Variants in COMMD8 observed in about 807,000 individuals in gnomAD.
The protein encoded by COMMD8 is COMM domain-containing protein 8.
Under a neutral mutation model 27.2 loss-of-function variants are expected in COMMD8, and 28 were observed. The observed-to-expected ratio is 1.03, with a 90% confidence interval of 0.76 to 1.41. COMMD8 has a LOEUF of 1.41. COMMD8 is among the 40% of genes most tolerant of loss of function. The pLI, the probability that COMMD8 is intolerant of heterozygous loss-of-function variation, is 0.00. For missense variants in COMMD8, 217 were observed against 211.2 expected (o/e 1.03, Z -0.17); for synonymous variants, 79 against 75.5 (o/e 1.05, Z -0.24).
rs750006157 is a variant in COMMD8 at position 47,460,122 on chromosome 4, T to C, written c.222+22A>G. On this transcript the variant is annotated intron_variant, in intron 2 of 4. Coordinates refer to ENST00000381571, the MANE Select transcript of COMMD8 (RefSeq NM_017845.5). ...CCTGAGCATTATTTATTGTAAGTTA[T>C]AGAAATGTGCAGAGAAGTTACCTCT... The C allele has an allele frequency of 6.9e-6, 11 of 1,603,200 alleles. No individual in the cohort carries two copies. In the South Asian group the frequency reaches 7.8e-5, roughly 11 times the overall value.
chr4:47,462,032 G>A (rs1006727554), intron 1 of COMMD8, among the ~76,000 whole-genome samples: 2 of 152,062 alleles, frequency 1.3e-5, no homozygotes, highest in African/African-American at 4.8e-5. Flanking sequence ...AAGTTATTTT[G>A]GGGGGTGCCT....
chr4:47,453,436 A>C (rs1275950354), intron 3 of COMMD8, among the ~76,000 whole-genome samples: 1 of 152,210 alleles, frequency 6.6e-6, no homozygotes, highest in Admixed American at 6.5e-5. Flanking sequence ...AAGTAAGACA[A>C]CCAGTCAGCA....
intron 1 of COMMD8, 127 bp from the exon 2 acceptor site, chr4:47,460,426 T>A: frequency 1.4e-6 from 1 of 702,120 alleles, no homozygotes; most frequent in Non-Finnish European, 2.3e-6. Flanking sequence ...TTAAAATGTA[T>A]AAACCACTTT....
intron 4 of COMMD8, among the ~76,000 whole-genome samples, chr4:47,452,307 C>G (rs147290717): frequency 3.3e-5 from 5 of 152,302 alleles, no homozygotes; most frequent in African/African-American, 9.6e-5. Flanking sequence ...GTCATAATAA[C>G]TACAAGTCAG....
rs780450159 is a variant in COMMD8, at chr4:47,456,566, T to C, written c.375+11A>G. On this transcript the variant is annotated intron_variant, in intron 3 of 4. Transcript: ENST00000381571. ...ATGAAATAAAAAATACACATACTCA[T>C]AGACTCTTACCTTTACCTGCCAATC... is the stretch of plus-strand genomic sequence containing the variant. 2 of 1,589,240 alleles carry C rather than the reference T, an allele frequency of 1.3e-6. No individual in the cohort carries two copies. The highest frequency in any genetic ancestry group is 1.8e-5 in the Admixed American group (1 of 54,702).
At chr4:47,461,519 TA>T (rs572719439) in intron 1 of COMMD8, among the ~76,000 whole-genome samples, 15 of 147,128 alleles carry the variant, frequency 1.0e-4, no homozygotes, top group East Asian at 2.0e-4. Flanking sequence ...GTCCCCATGC[TA>T]AAAAAAAAAC....
At chr4:47,459,083 C>T (rs978300202) in intron 2 of COMMD8, among the ~76,000 whole-genome samples, 4 of 152,080 alleles carry the variant, frequency 2.6e-5, no homozygotes, top group Middle Eastern at 3.2e-3. Flanking sequence ...ATCTTCATGT[C>T]TTCAGCACAA....
In COMMD8 at chr4:47,455,809, C is replaced by A. The variant is rs551147516; in HGVS notation, c.375+768G>T. On this transcript the variant is annotated intron_variant, in intron 3 of 4. Coordinates refer to ENST00000381571, the MANE Select transcript of COMMD8 (RefSeq NM_017845.5). ...AAGGACAAAAAGTTGGTCTGAAATT[C>A]TTCTTTATGAACTCTACTGATAGTG... Among the ~76,000 whole-genome samples, 3 of 152,248 alleles carry A rather than the reference C, an allele frequency of 2.0e-5. No homozygotes were observed. In the South Asian group the frequency reaches 6.2e-4, roughly 32 times the overall value.
intron 1 of COMMD8, among the ~76,000 whole-genome samples, chr4:47,462,485 C>G (rs781627014): frequency 3.3e-5 from 5 of 152,178 alleles, no homozygotes; most frequent in Non-Finnish European, 4.4e-5. Context: ...GTGGCAGAAG[C>G]CTGACACTCA....
Position 47,463,578 on chromosome 4 carries a change from G to T in COMMD8, c.66+8C>A. 2 of 1,543,014 alleles carry T rather than the reference G, an allele frequency of 1.3e-6. No homozygotes were observed. Among genetic ancestry groups the T allele is most frequent in the Non-Finnish European group, 8.7e-7 (1 of 1,145,704 alleles). ...CCCCGCGCCGCTTCCCCCGGTACCC[G>T]CCCTCACCTGCGGGCCCAGCTCGGC... is the stretch of plus-strand genomic sequence containing the variant. On this transcript the variant is annotated splice_region_variant and intron_variant, in intron 1 of 4. Transcript: ENST00000381571.
intron 2 of COMMD8, among the ~76,000 whole-genome samples, chr4:47,457,319 C>T (rs878895362): frequency 2.0e-5 from 3 of 152,108 alleles, no homozygotes; most frequent in South Asian, 2.1e-4. Context: ...CCCTCTGCAC[C>T]TAACACCATA....
chr4:47,459,097 T>C (rs749740627), intron 2 of COMMD8, among the ~76,000 whole-genome samples: 2 of 152,088 alleles, frequency 1.3e-5, no homozygotes, highest in Non-Finnish European at 2.9e-5. Flanking sequence ...AGCACAAATA[T>C]TTCTGAAACA....
intron 4 of COMMD8, 99 bp downstream of exon 4, chr4:47,452,960 C>A (rs1288029385): frequency 1.9e-6 from 2 of 1,042,426 alleles, no homozygotes; most frequent in African/African-American, 1.6e-5. Flanking sequence ...CGCGCCGTTG[C>A]CCCTCCAGCC....
intron 3 of COMMD8, among the ~76,000 whole-genome samples, chr4:47,454,017 C>T (rs949941660): frequency 1.3e-5 from 2 of 152,186 alleles, no homozygotes; most frequent in African/African-American, 4.8e-5. Flanking sequence ...GACATAGCTC[C>T]TCTATTCTCT....
At chr4:47,454,294 G>C (rs576845223) in intron 3 of COMMD8, among the ~76,000 whole-genome samples, 1 of 152,038 alleles carries the variant, frequency 6.6e-6, no homozygotes, top group Non-Finnish European at 1.5e-5. Context: ...CTAGTCTCTG[G>C]AGCCACAAAG....
chr4:47,451,392 G>A lies in COMMD8; in HGVS notation c.*253C>T, dbSNP rs1729747626. The A allele has an allele frequency of 2.5e-6, 1 of 394,412 alleles. No individual in the cohort carries two copies. The highest frequency in any genetic ancestry group is 2.1e-5 in the African/African-American group (1 of 46,696). 24.4% of individuals were successfully genotyped at this position (394,412 alleles called of 1,614,324 possible). A position where few individuals can be genotyped will look rare whatever the true frequency, so the allele number is the denominator to read the frequency against. On this transcript the variant is annotated 3_prime_UTR_variant, in exon 5 of 5. Coordinates refer to ENST00000381571, the MANE Select transcript of COMMD8 (RefSeq NM_017845.5). ...AAGATTTCTCAAATATTTAATAAAT[G>A]AGGCAAAACAATCATGAAAATATAA...
chr4:47,459,367 A>C (rs1288295792), intron 2 of COMMD8, among the ~76,000 whole-genome samples: 3 of 152,118 alleles, frequency 2.0e-5, no homozygotes, highest in Non-Finnish European at 4.4e-5. Context: ...TGCAAAAGCA[A>C]TTCAGTGGAA....
In COMMD8 at chr4:47,456,712, A is replaced by C. The variant is rs1375152749; in HGVS notation, c.240T>G (p.Asn80Lys). 3 of 1,582,958 alleles carry C rather than the reference A, an allele frequency of 1.9e-6. No homozygotes were observed. Among genetic ancestry groups the C allele is most frequent in the Non-Finnish European group, 2.6e-6 (3 of 1,169,046 alleles). ...TTTCTTGATGAAGTGAATTCAACTGATTCAACTGCTGAAATATCTATAAAA... is the reference window on the plus strand; with the variant it reads ...TTTCTTGATGAAGTGAATTCAACTGCTTCAACTGCTGAAATATCTATAAAA... ...LPDEEIFQQLNQLNSLHQETI... is the reference protein window; with the variant it reads ...LPDEEIFQQLKQLNSLHQETI... Residue 80 changes from asparagine to lysine, a missense_variant, in exon 3 of 5, where the codon AAT becomes AAG. Transcript: ENST00000381571.
chr4:47,463,441 G>A, intron 1 of COMMD8, 145 bp downstream of exon 1: 1 of 760,332 alleles, frequency 1.3e-6, no homozygotes, highest in East Asian at 2.8e-5. Context: ...GGGAAGGCGG[G>A]GACCAACCAC....
Sources: allele counts gnomAD v4.1 joint callset (sites outside exome capture counted in the v4.1 genomes callset), GRCh38; gene constraint gnomAD v4.1.1; transcripts MANE v1.5; gene names NCBI Gene and HGNC (gene_info 2026-07-23, HGNC 2026-07-21).